Variants in PRKG1 observed in about 807,000 individuals in gnomAD.
PRKG1 encodes cGMP-dependent protein kinase 1.
PRKG1 carries 35 observed loss-of-function variants against 88.1 expected under a neutral mutation model. The observed-to-expected ratio is 0.40, with a 90% CI of 0.30 to 0.53. The LOEUF is 0.53. Ranked by LOEUF, PRKG1 falls within the 20% of genes least tolerant of loss-of-function variation. PRKG1 has a pLI of 0.59. For synonymous variants in PRKG1, 303 were observed against 292.5 expected, an observed-to-expected ratio of 1.04 and a Z score of -0.37; for missense variants, 540 against 839.8, an observed-to-expected ratio of 0.64 and a Z score of 4.41.
chr10:51,490,958 G>A (rs1274159303), intron 3 of PRKG1, among the ~76,000 whole-genome samples: 1 of 151,912 alleles, frequency 6.6e-6, no homozygotes, highest in East Asian at 1.9e-4. Flanking sequence ...GGAAGAAAGG[G>A]TTTGGATAGA....
upstream of PRKG1, among the ~76,000 whole-genome samples, chr10:51,072,723 C>T (rs1843850040): frequency 6.6e-6 from 1 of 151,998 alleles, no homozygotes; most frequent in African/African-American, 2.4e-5. Flanking sequence ...AGATCATAAT[C>T]TACATAAAAG....
chr10:51,463,433 T>C (rs780797306), intron 2 of PRKG1, among the ~76,000 whole-genome samples: 25 of 152,190 alleles, frequency 1.6e-4, no homozygotes, highest in Non-Finnish European at 2.2e-4. Context: ...GTTCATCTAC[T>C]TTCTATGCAA....
intron 5 of PRKG1, among the ~76,000 whole-genome samples, chr10:51,946,695 G>T (rs980728682): frequency 2.6e-5 from 4 of 152,102 alleles, no homozygotes; most frequent in Admixed American, 2.6e-4. Context: ...ACCCTCAGCT[G>T]CAGGTCTGTT....
chr10:51,570,067 ATGTGTGTGTGTGTTTATATATG>A (rs1837710791), intron 3 of PRKG1, among the ~76,000 whole-genome samples: 2 of 113,042 alleles, frequency 1.8e-5, no homozygotes, highest in African/African-American at 7.2e-5. Flanking sequence ...ATATATATAT[ATGTGTGTGTGTGTTTATATATG>A]TATATATATG....
At chr10:51,694,606 A>C (rs1289267935) in intron 3 of PRKG1, among the ~76,000 whole-genome samples, 1 of 152,222 alleles carries the variant, frequency 6.6e-6, no homozygotes, top group Non-Finnish European at 1.5e-5. Context: ...ATAATCCCAA[A>C]AAACATGTAC....
chr10:51,856,083 G>T (rs1454824836), intron 4 of PRKG1, among the ~76,000 whole-genome samples: 3 of 152,004 alleles, frequency 2.0e-5, no homozygotes, highest in African/African-American at 7.3e-5. Context: ...TGCTCCCATT[G>T]TTACATCACC....
At chr10:51,930,994 A>G (rs967803420) in intron 5 of PRKG1, among the ~76,000 whole-genome samples, 1 of 152,138 alleles carries the variant, frequency 6.6e-6, no homozygotes, top group Non-Finnish European at 1.5e-5. Context: ...TGTCCTCAGC[A>G]TTGGTGACTC....
At chr10:52,021,675 A>G (rs1243015392) in intron 5 of PRKG1, among the ~76,000 whole-genome samples, 1 of 152,204 alleles carries the variant, frequency 6.6e-6, no homozygotes, top group African/African-American at 2.4e-5. Flanking sequence ...TATGTTTCAT[A>G]TAATATGCAT....
chr10:51,604,135 A>T, intron 3 of PRKG1, among the ~76,000 whole-genome samples: 1 of 147,028 alleles, frequency 6.8e-6, no homozygotes, highest in African/African-American at 2.5e-5. Flanking sequence ...TCCTTACCAC[A>T]CCAGTCTCTT....
chr10:51,442,315 A>G (rs1839138656), intron 2 of PRKG1, among the ~76,000 whole-genome samples: 1 of 151,942 alleles, frequency 6.6e-6, no homozygotes, highest in South Asian at 2.1e-4. Context: ...TAATTTTTTT[A>G]AAGCAAATCA....
At chr10:51,556,607 C>T (rs12355689) in intron 3 of PRKG1, among the ~76,000 whole-genome samples, 7 of 151,796 alleles carry the variant, frequency 4.6e-5, no homozygotes, top group Non-Finnish European at 1.0e-4. Flanking sequence ...ATCCTAAGCA[C>T]ATTAATGCAA....
intron 1 of PRKG1, among the ~76,000 whole-genome samples, chr10:51,038,667 CT>C (rs1458997611): frequency 6.6e-6 from 1 of 152,170 alleles, no homozygotes; most frequent in Non-Finnish European, 1.5e-5. Flanking sequence ...GGATCTTGCT[CT>C]TTTTTATGGC....
At chr10:51,370,118 A>C (rs895107946) in intron 2 of PRKG1, among the ~76,000 whole-genome samples, 11 of 152,118 alleles carry the variant, frequency 7.2e-5, no homozygotes, top group African/African-American at 2.7e-4. Context: ...AGGGCAAACA[A>C]GAGTGAGTCA....
intron 5 of PRKG1, among the ~76,000 whole-genome samples, chr10:51,912,534 A>AG (rs1564705221): frequency 6.6e-6 from 1 of 152,152 alleles, no homozygotes; most frequent in Non-Finnish European, 1.5e-5. Flanking sequence ...TCATTGTAAA[A>AG]CAATACTTCC....
chr10:52,186,084 T>G (rs1419013649), intron 9 of PRKG1, among the ~76,000 whole-genome samples: 3 of 152,210 alleles, frequency 2.0e-5, no homozygotes, highest in Non-Finnish European at 2.9e-5. Flanking sequence ...GTTAGGCCAC[T>G]TTTGCATTGC....
At position 51,819,006 on chromosome 10, in the gene PRKG1, C is replaced by CAAAAAAAAAAAAAAAA. The variant is rs869048560; in HGVS notation, c.698+14338_698+14353dup. ...TGGGCGACAGAGCGAGACTCCGTCT[C>CAAAAAAAAAAAAAAAA]AAAAAAAAAAAAAAAAAAAAAAAAA... On this transcript the variant is annotated intron_variant, in intron 4 of 17. Coordinates refer to ENST00000373980, the MANE Select transcript of PRKG1 (RefSeq NM_006258.4). Among the ~76,000 whole-genome samples the CAAAAAAAAAAAAAAAA allele has an allele frequency of 7.6e-4, 14 of 18,346 alleles. 2 individuals carry two copies. The highest frequency in any genetic ancestry group is 1.3e-3 in the East Asian group (1 of 760). 12.0% of individuals were successfully genotyped at this position (18,346 alleles called of 152,430 possible).
intron 7 of PRKG1, among the ~76,000 whole-genome samples, chr10:52,099,734 T>C (rs1056702140): frequency 6.6e-6 from 1 of 152,190 alleles, no homozygotes; most frequent in Admixed American, 6.5e-5. Context: ...AGGGTTGCTT[T>C]TGGAATCACA....
At chr10:51,126,522 A>G (rs1845426245) in intron 1 of PRKG1, among the ~76,000 whole-genome samples, 1 of 146,152 alleles carries the variant, frequency 6.8e-6, no homozygotes, top group Non-Finnish European at 1.5e-5. Flanking sequence ...AAATATATGA[A>G]TCATATAAAT....
At chr10:51,658,913 T>C (rs1364314940) in intron 3 of PRKG1, among the ~76,000 whole-genome samples, 2 of 152,094 alleles carry the variant, frequency 1.3e-5, no homozygotes, top group African/African-American at 2.4e-5. Context: ...TTTCTACTTT[T>C]GAAAAACATG....
Sources: gnomAD v4.1 joint callset for allele counts (sites outside exome capture counted in the v4.1 genomes callset) on GRCh38, gnomAD v4.1.1 for gene constraint, MANE v1.5 for transcripts, NCBI Gene and HGNC (gene_info 2026-07-23, HGNC 2026-07-21) for gene names.